MARCHF8: variants seen among roughly 807,000 people sequenced by gnomAD.
MARCHF8 encodes membrane associated ring-CH-type finger 8.
MARCHF8 carries 40 observed loss-of-function variants against 51.6 expected under a neutral mutation model. That is an observed-to-expected ratio of 0.77 (90% CI 0.60 to 1.01). The LOEUF is 1.01. Among genes scored for constraint, MARCHF8 ranks in the 50% least tolerant of loss-of-function variants. MARCHF8 has a pLI of 0.00. For synonymous variants in MARCHF8, 263 were observed against 280.3 expected, an observed-to-expected ratio of 0.94 and a Z score of 0.62; for missense variants, 685 against 708.6, an observed-to-expected ratio of 0.97 and a Z score of 0.38.
intron 6 of MARCHF8, chr10:45,459,915 G>C (rs756517965): frequency 5.1e-6 from 5 of 984,784 alleles, no homozygotes; most frequent in Non-Finnish European, 6.0e-6. Flanking sequence ...TAAAGGTAGA[G>C]AGAAAGAACA....
chr10:45,493,905 C>T (rs768039877), intron 2 of MARCHF8, among the ~76,000 whole-genome samples: 40 of 152,230 alleles, frequency 2.6e-4, no homozygotes, highest in Non-Finnish European at 4.8e-4. Flanking sequence ...CCCACCTCAA[C>T]CTCCCAAGTA....
intron 1 of MARCHF8, among the ~76,000 whole-genome samples, chr10:45,557,964 G>C (rs1327763134): frequency 2.0e-5 from 3 of 152,018 alleles, no homozygotes; most frequent in Non-Finnish European, 4.4e-5. Context: ...CTATAAATTT[G>C]GTAATAATAA....
intron 5 of MARCHF8, among the ~76,000 whole-genome samples, chr10:45,462,901 C>A (rs1484308890): frequency 6.6e-6 from 1 of 152,228 alleles, no homozygotes; most frequent in Non-Finnish European, 1.5e-5. Flanking sequence ...GCTGGGATTA[C>A]AGGCGTGAGC....
chr10:45,470,603 GCAATTGTGGGGACATTT>G (rs1843141825), intron 3 of MARCHF8, among the ~76,000 whole-genome samples: 2 of 152,146 alleles, frequency 1.3e-5, no homozygotes, highest in Non-Finnish European at 2.9e-5. Context: ...CAGGTTCCAG[GCAATTGTGGGGACATTT>G]TTGGGGGCCG....
At chr10:45,544,224 C>G (rs1312551820) in intron 1 of MARCHF8, among the ~76,000 whole-genome samples, 1 of 152,194 alleles carries the variant, frequency 6.6e-6, no homozygotes, top group African/African-American at 2.4e-5. Context: ...ACAGTCAATA[C>G]TAATTGTTTG....
upstream of MARCHF8, among the ~76,000 whole-genome samples, chr10:45,538,059 A>G (rs2043998433): frequency 6.6e-6 from 1 of 151,946 alleles, no homozygotes; most frequent in Non-Finnish European, 1.5e-5. Flanking sequence ...AAGGCGATAG[A>G]AAGAGTACAA....
intron 2 of MARCHF8, among the ~76,000 whole-genome samples, chr10:45,506,344 C>T (rs2043384930): frequency 6.6e-6 from 1 of 152,114 alleles, no homozygotes; most frequent in Admixed American, 6.6e-5. Context: ...GACTTTTATT[C>T]TATTTGGGTA....
In MARCHF8 at chr10:45,454,992, G is replaced by A. The variant is rs1461259377; in HGVS notation, c.*3247C>T. On this transcript the variant is annotated 3_prime_UTR_variant, in exon 8 of 8. Transcript: ENST00000453424. ...TCAAAAGGGAAAGCACTTCAAAACA[G>A]AAAGTACTTCAATTGTGTATTTGCC... 1 of 152,234 alleles carries A rather than the reference G, an allele frequency of 6.6e-6. No individual in the cohort carries two copies. Among genetic ancestry groups the A allele is most frequent in the East Asian group, 1.9e-4 (1 of 5,198 alleles). The allele number at this position is 152,234 out of a possible 1,614,324, so 9.4% of individuals were successfully genotyped here. A position where few individuals can be genotyped will look rare whatever the true frequency, so the allele number is the denominator to read the frequency against.
intron 2 of MARCHF8, among the ~76,000 whole-genome samples, chr10:45,515,276 T>G (rs1381954420): frequency 1.3e-5 from 2 of 152,220 alleles, no homozygotes; most frequent in South Asian, 2.1e-4. Flanking sequence ...GGCAGTCCAA[T>G]CACCTGTAAT....
chr10:45,558,354 G>A (rs2044274563), intron 1 of MARCHF8, among the ~76,000 whole-genome samples: 2 of 152,178 alleles, frequency 1.3e-5, no homozygotes, highest in South Asian at 4.1e-4. Flanking sequence ...GAAGAGAGTA[G>A]TGGCTTGGAG....
chr10:45,550,052 G>A (rs1273375259), intron 1 of MARCHF8, among the ~76,000 whole-genome samples: 1 of 152,220 alleles, frequency 6.6e-6, no homozygotes, highest in Non-Finnish European at 1.5e-5. Context: ...GGGACAGGGG[G>A]CAGTGATTCA....
intron 2 of MARCHF8, among the ~76,000 whole-genome samples, chr10:45,507,849 T>C (rs1386916717): frequency 6.6e-6 from 1 of 152,108 alleles, no homozygotes; most frequent in Non-Finnish European, 1.5e-5. Context: ...GTGCTTGTAG[T>C]TCCTGTAGTA....
rs757600316 is a variant in MARCHF8, at chr10:45,463,252, G to A, written c.987C>T (p.Pro329=). Residue 329 remains proline, a synonymous_variant, in exon 5 of 8, where the codon CCC becomes CCT. Transcript: ENST00000453424. ...CGCTGTCCTTTTCCGTGGAGCAGAG[G>A]GGCGCCCGCAGAACCCTACTCTTCA... is the stretch of plus-strand genomic sequence containing the variant. ...AKLKSRVLRA[P]LCSTEKDSDL... The A allele has an allele frequency of 2.6e-6, 4 of 1,550,838 alleles. No individual in the cohort carries two copies. The South Asian group carries it at 4.8e-5, about 18-fold the overall frequency.
intron 2 of MARCHF8, among the ~76,000 whole-genome samples, chr10:45,500,553 C>T (rs75422286): frequency 6.6e-6 from 1 of 152,216 alleles, no homozygotes; most frequent in Non-Finnish European, 1.5e-5. Flanking sequence ...ACTATAATGT[C>T]AGCTGCAGAC....
Position 45,464,234 on chromosome 10 carries a change from G to A in MARCHF8, c.242+5C>T, listed in dbSNP as rs755296797. Reference sequence around the variant, plus strand: ...ATCATGGCAGCATCTGAAGCAGAGTGTTACCTGCAGATGTCCTGGCTGGAT... The same window carrying A: ...ATCATGGCAGCATCTGAAGCAGAGTATTACCTGCAGATGTCCTGGCTGGAT... On this transcript the variant is annotated splice_donor_5th_base_variant and intron_variant, in intron 4 of 7. Coordinates refer to ENST00000453424, the MANE Select transcript of MARCHF8 (RefSeq NM_001282866.2). 1.9e-6 allele frequency: 3 copies of A among 1,613,216 alleles called. No homozygotes were observed. In the South Asian group the frequency reaches 3.3e-5, roughly 18 times the overall value.
chr10:45,464,004 C>G lies in MARCHF8; in HGVS notation c.243-8G>C. 1 of 1,529,406 alleles carries G rather than the reference C, an allele frequency of 6.5e-7. No individual in the cohort carries two copies. Among genetic ancestry groups the G allele is most frequent in the Non-Finnish European group, 8.7e-7 (1 of 1,143,980 alleles). The allele number at this position is 1,529,406 out of a possible 1,614,324, so 94.7% of individuals were successfully genotyped here. ...GAAAACACTGCACTGGAACTGCATG[C>G]AGAACAGTGGGATAAAAGCACAGAA... On this transcript the variant is annotated splice_region_variant and splice_polypyrimidine_tract_variant and intron_variant, in intron 4 of 7. Coordinates refer to ENST00000453424, the MANE Select transcript of MARCHF8 (RefSeq NM_001282866.2).
intron 1 of MARCHF8, among the ~76,000 whole-genome samples, chr10:45,577,983 C>G (rs1160566892): frequency 6.6e-6 from 1 of 152,170 alleles, no homozygotes; most frequent in Non-Finnish European, 1.5e-5. Context: ...GATCATACCA[C>G]TGCATTCCAG....
chr10:45,543,253 T>G (rs1274274753), intron 1 of MARCHF8, among the ~76,000 whole-genome samples: 1 of 152,232 alleles, frequency 6.6e-6, no homozygotes, highest in Non-Finnish European at 1.5e-5. Context: ...TAGCATGACA[T>G]TGTACACAGA....
Position 45,533,155 on chromosome 10 carries a change from A to T in MARCHF8, c.57T>A (p.Ala19=). Residue 19 remains alanine (A), a synonymous_variant, in exon 2 of 8, where the codon GCT becomes GCA. Transcript: ENST00000453424. ...CTTTGGTCTTACTTCTGTAGACTCT[A>T]GCAGAGATGGCATCCTGGGATGGAA... is the stretch of plus-strand genomic sequence containing the variant. ...SAIPSQDAIS[A]RVYRSKTKEK... 6.2e-7 allele frequency: 1 copy of T among 1,613,074 alleles called. No homozygotes were observed. The highest frequency in any genetic ancestry group is 1.1e-5 in the South Asian group (1 of 90,938).
Sources: allele counts gnomAD v4.1 joint callset (sites outside exome capture counted in the v4.1 genomes callset), GRCh38; gene constraint gnomAD v4.1.1; transcripts MANE v1.5; gene names NCBI Gene and HGNC (gene_info 2026-07-23, HGNC 2026-07-21).